TNFAIP8L1: variants seen among roughly 807,000 people sequenced by gnomAD.
TNFAIP8L1 encodes the protein TNF alpha induced protein 8 like 1, also known as tumor necrosis factor alpha-induced protein 8-like protein 1.
For synonymous variants in TNFAIP8L1, 127 were observed against 125.6 expected (o/e 1.01, Z -0.08); for missense variants, 225 against 266.1 (o/e 0.85, Z 1.08).
chr19:4,649,583 G>A (rs894571324), intron 1 of TNFAIP8L1, among the ~76,000 whole-genome samples: 1 of 152,210 alleles, frequency 6.6e-6, no homozygotes, highest in African/African-American at 2.4e-5. Context: ...GTTCAAGGGC[G>A]TTGAGAGCCA....
At chr19:4,644,042 GA>G (rs2088286997) in intron 1 of TNFAIP8L1, among the ~76,000 whole-genome samples, 1 of 150,522 alleles carries the variant, frequency 6.6e-6, no homozygotes, top group African/African-American at 2.5e-5. Flanking sequence ...CCAACATGGA[GA>G]AAACCCCGTC....
At chr19:4,647,023 G>A (rs1042011768) in intron 1 of TNFAIP8L1, among the ~76,000 whole-genome samples, 1 of 152,194 alleles carries the variant, frequency 6.6e-6, no homozygotes, top group Admixed American at 6.5e-5. Context: ...GTGCATCCAC[G>A]CTGGAGCTTG....
chr19:4,643,696 G>A (rs1017310554), intron 1 of TNFAIP8L1, among the ~76,000 whole-genome samples: 1 of 152,194 alleles, frequency 6.6e-6, no homozygotes. Flanking sequence ...CTAGCATTCT[G>A]GGAGGCCGAA....
chr19:4,649,119 G>A (rs8110773), intron 1 of TNFAIP8L1, among the ~76,000 whole-genome samples: 33,000 of 151,424 alleles, frequency 0.22, 3,751 homozygotes, highest in Middle Eastern at 0.33. Context: ...TAGTAGAGAC[G>A]GGGTTTCACC....
chr19:4,645,365 T>C lies in TNFAIP8L1; in HGVS notation c.-4+5736T>C, dbSNP rs1599824966. Among the ~76,000 whole-genome samples the C allele has an allele frequency of 6.6e-6, 1 of 151,912 alleles. No individual in the cohort carries two copies. The highest frequency in any genetic ancestry group is 2.4e-5 in the African/African-American group (1 of 41,308). On this transcript the variant is annotated intron_variant, in intron 1 of 1. Coordinates refer to ENST00000327473, the MANE Select transcript of TNFAIP8L1 (RefSeq NM_152362.3). The surrounding 1 kb of genome is among the most constrained non-coding windows in gnomAD (Gnocchi z 4.1). Reference sequence around the variant, plus strand: ...GAGTTAGAGACCAGCCTGGCCGACATGGCCAAACCCCGTCTCTACTAAAAA... The same window carrying C: ...GAGTTAGAGACCAGCCTGGCCGACACGGCCAAACCCCGTCTCTACTAAAAA...
At position 4,645,129 on chromosome 19, in the gene TNFAIP8L1, G is replaced by A. The variant is rs1293381068; in HGVS notation, c.-4+5500G>A. On this transcript the variant is annotated intron_variant, in intron 1 of 1. Transcript: ENST00000327473. The surrounding 1 kb of genome is among the most constrained non-coding windows in gnomAD (Gnocchi z 4.1). ...AGGTGCATGAAGAATTCATGGGACA[G>A]GGGTGGGGACGGCAGGGACTTGTGA... is the stretch of plus-strand genomic sequence containing the variant. Among the ~76,000 whole-genome samples, 4 of 150,466 alleles carry A rather than the reference G, an allele frequency of 2.7e-5. No individual in the cohort carries two copies. The East Asian group carries it at 7.7e-4, about 29-fold the overall frequency.
intron 1 of TNFAIP8L1, among the ~76,000 whole-genome samples, chr19:4,644,595 TGA>T (rs1295752517): frequency 6.8e-6 from 1 of 147,366 alleles, no homozygotes; most frequent in African/African-American, 2.5e-5. Flanking sequence ...TTGCAAGTCC[TGA>T]GTCATGGATT....
chr19:4,652,821 G>A lies in TNFAIP8L1; in HGVS notation c.*391G>A, dbSNP rs1476922077. On this transcript the variant is annotated 3_prime_UTR_variant, in exon 2 of 2. Transcript: ENST00000327473. The stretch of plus-strand genomic sequence containing the variant: ...TCGCACAAGGACTACGGGTTCACAC[G>A]GTGAACTGGGGGAAGGGAAGTGTTA... The A allele has an allele frequency of 9.2e-6, 2 of 216,724 alleles. No individual in the cohort carries two copies. The highest frequency in any genetic ancestry group is 2.0e-5 in the Non-Finnish European group (2 of 101,436). 13.4% of individuals were successfully genotyped at this position (216,724 alleles called of 1,614,324 possible). A position where few individuals can be genotyped will look rare whatever the true frequency, so the allele number is the denominator to read the frequency against.
chr19:4,652,644 G>A lies in TNFAIP8L1; in HGVS notation c.*214G>A. ...AATGTCACCTCTCCTCCTGGCCCCC[G>A]CCCAATGGGGAGAGGAATTTGGGGC... On this transcript the variant is annotated 3_prime_UTR_variant, in exon 2 of 2. Coordinates refer to ENST00000327473, the MANE Select transcript of TNFAIP8L1 (RefSeq NM_152362.3). The A allele has an allele frequency of 1.9e-6, 1 of 521,502 alleles. No homozygotes were observed. The highest frequency in any genetic ancestry group is 3.4e-5 in the East Asian group (1 of 29,826). The allele number at this position is 521,502 out of a possible 1,614,324, so 32.3% of individuals were successfully genotyped here.
rs1484599030 is a variant in TNFAIP8L1, at chr19:4,652,474, C to T, written c.*44C>T. 7 of 1,458,376 alleles carry T rather than the reference C, an allele frequency of 4.8e-6. 1 individual carries two copies. The highest frequency in any genetic ancestry group is 4.3e-5 in the South Asian group (3 of 70,500). 90.3% of individuals were successfully genotyped at this position (1,458,376 alleles called of 1,614,324 possible). Reference sequence around the variant, plus strand: ...CGCGCCCCTCGCGCCTTTTGGGGCTCTCCTGCTGGGCGCGGGTGGGGTTTG... The same window carrying T: ...CGCGCCCCTCGCGCCTTTTGGGGCTTTCCTGCTGGGCGCGGGTGGGGTTTG... On this transcript the variant is annotated 3_prime_UTR_variant, in exon 2 of 2. Coordinates refer to ENST00000327473, the MANE Select transcript of TNFAIP8L1 (RefSeq NM_152362.3).
At chr19:4,648,404 C>T (rs899013626) in intron 1 of TNFAIP8L1, among the ~76,000 whole-genome samples, 1 of 152,222 alleles carries the variant, frequency 6.6e-6, no homozygotes, top group Non-Finnish European at 1.5e-5. Flanking sequence ...GAGCAGTCAT[C>T]CTCCTGTCTG....
rs893003238 is a variant in TNFAIP8L1, at chr19:4,641,564, T to C, written c.-4+1935T>C. On this transcript the variant is annotated intron_variant, in intron 1 of 1. Coordinates refer to ENST00000327473, the MANE Select transcript of TNFAIP8L1 (RefSeq NM_152362.3). This position sits in a 1 kb window ranked among gnomAD's most constrained non-coding sequence, Gnocchi z 4.6. Reference sequence around the variant, plus strand: ...GGGACCTCTGGCAGAGTTCTTGGGATCTTGTAAATCCCCAGCTTCTAGGCC... The same window carrying C: ...GGGACCTCTGGCAGAGTTCTTGGGACCTTGTAAATCCCCAGCTTCTAGGCC... 2 of 152,052 alleles carry C rather than the reference T, an allele frequency of 1.3e-5. No homozygotes were observed. The highest frequency in any genetic ancestry group is 4.8e-5 in the African/African-American group (2 of 41,458). The allele number at this position is 152,052 out of a possible 1,614,324, so 9.4% of individuals were successfully genotyped here. A position where few individuals can be genotyped will look rare whatever the true frequency, so the allele number is the denominator to read the frequency against.
rs2088299198 is a variant in TNFAIP8L1 at position 4,645,234 on chromosome 19, T to C, written c.-4+5605T>C. On this transcript the variant is annotated intron_variant, in intron 1 of 1. Coordinates refer to ENST00000327473, the MANE Select transcript of TNFAIP8L1 (RefSeq NM_152362.3). This position sits in a 1 kb window ranked among gnomAD's most constrained non-coding sequence, Gnocchi z 4.1. Reference sequence around the variant, plus strand: ...ATCTGGTAGTTAAACGCAGCCATTATTTAACGTGGGAGAATATAAACTTAT... The same window carrying C: ...ATCTGGTAGTTAAACGCAGCCATTACTTAACGTGGGAGAATATAAACTTAT... Among the ~76,000 whole-genome samples, 1 of 152,170 alleles carries C rather than the reference T, an allele frequency of 6.6e-6. No homozygotes were observed. The highest frequency in any genetic ancestry group is 2.4e-5 in the African/African-American group (1 of 41,428).
Position 4,652,124 on chromosome 19 carries a change from G to A in TNFAIP8L1, c.255G>A (p.Ala85=), listed in dbSNP as rs949883021. The A allele has an allele frequency of 4.4e-6, 7 of 1,580,384 alleles. No individual in the cohort carries two copies. Among genetic ancestry groups the A allele is most frequent in the African/African-American group, 2.7e-5 (2 of 74,030 alleles). The change falls in exon 2 of 2, where the codon GCG becomes GCA. Residue 85 remains alanine (A), a synonymous_variant. Transcript: ENST00000327473. ...RGDQLGGEEL[A]LLRRFRHRAR... is the part of the protein sequence containing the mutation. ...ACCAGCTGGGCGGTGAGGAGCTGGC[G>A]CTGCTGCGGCGCTTCCGCCACCGGG...
In TNFAIP8L1 at chr19:4,645,364, A is replaced by G. The variant is rs552456633; in HGVS notation, c.-4+5735A>G. ...GGAGTTAGAGACCAGCCTGGCCGAC[A>G]TGGCCAAACCCCGTCTCTACTAAAA... On this transcript the variant is annotated intron_variant, in intron 1 of 1. Transcript: ENST00000327473. This position sits in a 1 kb window ranked among gnomAD's most constrained non-coding sequence, Gnocchi z 4.1. Among the ~76,000 whole-genome samples, 20 of 152,248 alleles carry G rather than the reference A, an allele frequency of 1.3e-4. No homozygotes were observed. Among genetic ancestry groups the G allele is most frequent in the Non-Finnish European group, 2.2e-4 (15 of 68,016 alleles).
At chr19:4,648,209 C>T (rs2088329693) in intron 1 of TNFAIP8L1, among the ~76,000 whole-genome samples, 1 of 152,238 alleles carries the variant, frequency 6.6e-6, no homozygotes, top group Non-Finnish European at 1.5e-5. Flanking sequence ...ATCCCAGAAG[C>T]TGTAGCAGGC....
At chr19:4,647,956 T>C (rs557029846) in intron 1 of TNFAIP8L1, among the ~76,000 whole-genome samples, 1 of 152,198 alleles carries the variant, frequency 6.6e-6, no homozygotes, top group East Asian at 1.9e-4. Flanking sequence ...GGAGGCAGCT[T>C]GGGGTCTAGA....
At chr19:4,643,037 G>C (rs888260428) in intron 1 of TNFAIP8L1, among the ~76,000 whole-genome samples, 1 of 152,038 alleles carries the variant, frequency 6.6e-6, no homozygotes, top group African/African-American at 2.4e-5. Flanking sequence ...CCAGCACTTT[G>C]GGAGGCTGAG....
rs2088397633 is a variant in TNFAIP8L1 at position 4,653,899 on chromosome 19, T to C, written c.*1469T>C. The stretch of plus-strand genomic sequence containing the variant: ...AAGAGGCTGCAGTGACCGATGATCA[T>C]GCCACTGCACTCCAGCTTGGGTGAG... On this transcript the variant is annotated 3_prime_UTR_variant, in exon 2 of 2. Coordinates refer to ENST00000327473, the MANE Select transcript of TNFAIP8L1 (RefSeq NM_152362.3). 1 of 150,542 alleles carries C rather than the reference T, an allele frequency of 6.6e-6. No homozygotes were observed. Among genetic ancestry groups the C allele is most frequent in the African/African-American group, 2.4e-5 (1 of 40,826 alleles). 9.3% of individuals were successfully genotyped at this position (150,542 alleles called of 1,614,324 possible). A position where few individuals can be genotyped will look rare whatever the true frequency, so the allele number is the denominator to read the frequency against.
Sources: gnomAD v4.1 joint callset for allele counts (sites outside exome capture counted in the v4.1 genomes callset) on GRCh38, gnomAD v4.1.1 for gene constraint, Gnocchi (gnomAD v3.1) non-coding constraint, MANE v1.5 for transcripts, NCBI Gene and HGNC (gene_info 2026-07-23, HGNC 2026-07-21) for gene names.